The following ZNF385D variants were observed in gnomAD, a reference collection of about 807,000 sequenced individuals.
ZNF385D encodes the protein zinc finger protein 659.
In ZNF385D, 15 loss-of-function variants were observed where a neutral mutation model predicts 35.8. That is an observed-to-expected ratio of 0.42 (90% CI 0.28 to 0.64). ZNF385D has a LOEUF of 0.64. Ranked by LOEUF, ZNF385D falls within the 30% of genes least tolerant of loss-of-function variation. The probability of loss-of-function intolerance (pLI) is 0.23; values close to 1 mark genes in which losing one functional copy is unlikely to be tolerated. For synonymous variants in ZNF385D, 212 were observed against 186.8 expected, an observed-to-expected ratio of 1.13 and a Z score of -1.10; for missense variants, 474 against 494.6, an observed-to-expected ratio of 0.96 and a Z score of 0.39.
At chr3:22,009,282 T>TG (rs1696414794) in intron 3 of ZNF385D, among the ~76,000 whole-genome samples, 1 of 144,200 alleles carries the variant, frequency 6.9e-6, no homozygotes, top group Non-Finnish European at 1.5e-5. Flanking sequence ...GAGAATAAAT[T>TG]GTGGTATAGT....
At chr3:21,819,573 T>C (rs2073301665) in intron 3 of ZNF385D, among the ~76,000 whole-genome samples, 1 of 149,114 alleles carries the variant, frequency 6.7e-6, no homozygotes, top group Non-Finnish European at 1.5e-5. Context: ...AAATTAATTA[T>C]ATGTACACAT....
At chr3:22,333,442 G>A (rs562351060) in intron 2 of ZNF385D, among the ~76,000 whole-genome samples, 118 of 151,642 alleles carry the variant, frequency 7.8e-4, no homozygotes, top group Middle Eastern at 3.4e-3. Flanking sequence ...CCATAAGGCT[G>A]TAATGCTTTG....
Position 21,806,209 on chromosome 3 carries a change from A to AT in ZNF385D, c.326-141182dup, listed in dbSNP as rs111922265. ...CTTTCTTTTTTTTTTTAAATTTCTT[A>AT]TTTTTTTTTTTTGTGAGGGGGCAGG... On this transcript the variant is annotated intron_variant, in intron 3 of 5. Transcript: ENST00000494108. Among the ~76,000 whole-genome samples, 606 of 108,376 alleles carry AT rather than the reference A, an allele frequency of 5.6e-3. 1 individual carries two copies. The highest frequency in any genetic ancestry group is 0.012 in the African/African-American group (351 of 28,742). 71.1% of individuals were successfully genotyped at this position (108,376 alleles called of 152,430 possible). A position where few individuals can be genotyped will look rare whatever the true frequency, so the allele number is the denominator to read the frequency against.
At chr3:21,923,575 C>T (rs1460519347) in intron 3 of ZNF385D, among the ~76,000 whole-genome samples, 2 of 152,124 alleles carry the variant, frequency 1.3e-5, no homozygotes, top group African/African-American at 4.8e-5. Context: ...CCTCATGGCA[C>T]TATTTACAAT....
At chr3:22,334,548 C>G (rs925813274) in intron 2 of ZNF385D, among the ~76,000 whole-genome samples, 1 of 152,066 alleles carries the variant, frequency 6.6e-6, no homozygotes, top group African/African-American at 2.4e-5. Context: ...TGTGCGTGTT[C>G]TGGTGATGAA....
chr3:21,851,721 T>A (rs1696399314), intron 3 of ZNF385D, among the ~76,000 whole-genome samples: 4 of 152,014 alleles, frequency 2.6e-5, no homozygotes, highest in African/African-American at 7.2e-5. Flanking sequence ...TTCAAAACCC[T>A]CCTACACGTC....
intron 3 of ZNF385D, among the ~76,000 whole-genome samples, chr3:21,517,112 A>G (rs60994197): frequency 0.06 from 9,123 of 152,016 alleles, 905 homozygotes; most frequent in African/African-American, 0.21. Flanking sequence ...TGTTGATAAT[A>G]TATATTACTG....
At position 21,979,613 on chromosome 3, in the gene ZNF385D, A is replaced by G. The variant is rs190662370; in HGVS notation, c.325+189204T>C. 173 of 152,332 alleles carry G rather than the reference A, an allele frequency of 1.1e-3. 1 individual carries two copies. The highest frequency in any genetic ancestry group is 3.0e-3 in the African/African-American group (123 of 41,576). 9.4% of individuals were successfully genotyped at this position (152,332 alleles called of 1,614,324 possible). A position where few individuals can be genotyped will look rare whatever the true frequency, so the allele number is the denominator to read the frequency against. Reference sequence around the variant, plus strand: ...AACATTTACTTTCTTACAAGGTTCAAGTATGTTTGTCTCATAGGTGCTTGA... The same window carrying G: ...AACATTTACTTTCTTACAAGGTTCAGGTATGTTTGTCTCATAGGTGCTTGA... On this transcript the variant is annotated intron_variant, in intron 3 of 5. Coordinates refer to the ZNF385D transcript ENST00000494108.
chr3:22,036,741 T>C (rs1470260839), intron 3 of ZNF385D, among the ~76,000 whole-genome samples: 1 of 151,436 alleles, frequency 6.6e-6, no homozygotes, highest in Non-Finnish European at 1.5e-5. Context: ...CTCTAAGTTT[T>C]AGGGTACATG....
At chr3:21,698,578 G>A (rs2067554744) in intron 1 of ZNF385D, among the ~76,000 whole-genome samples, 1 of 151,932 alleles carries the variant, frequency 6.6e-6, no homozygotes, top group South Asian at 2.1e-4. Context: ...CATGTAGCAA[G>A]CCTGCATATA....
In ZNF385D at chr3:21,414,155, G is replaced by T. The variant is rs1700529970; in HGVS notation, c.*7059C>A. 3.3e-5 allele frequency: 5 copies of T among 151,532 alleles called. No homozygotes were observed. Among genetic ancestry groups the T allele is most frequent in the Admixed American group, 3.3e-4 (5 of 15,202 alleles). The allele number at this position is 151,532 out of a possible 1,614,324, so 9.4% of individuals were successfully genotyped here. ...GGATATAACTTATTTTTCTCACCTA[G>T]GCTTTTATTTAATAAAAATTGCTGT... On this transcript the variant is annotated 3_prime_UTR_variant, in exon 8 of 8. Transcript: ENST00000281523.
chr3:22,358,429 C>G (rs1350998950), intron 2 of ZNF385D, among the ~76,000 whole-genome samples: 2 of 151,796 alleles, frequency 1.3e-5, no homozygotes, highest in Non-Finnish European at 2.9e-5. Context: ...AAGTTGCATT[C>G]TGCATTCAAG....
At chr3:22,230,927 G>A (rs1221540671) in intron 2 of ZNF385D, among the ~76,000 whole-genome samples, 2 of 152,060 alleles carry the variant, frequency 1.3e-5, no homozygotes, top group Non-Finnish European at 2.9e-5. Context: ...CAGTTTCAGG[G>A]TCATTTAGCT....
At chr3:22,238,157 A>C (rs1168021698) in intron 2 of ZNF385D, among the ~76,000 whole-genome samples, 1 of 151,152 alleles carries the variant, frequency 6.6e-6, no homozygotes, top group African/African-American at 2.4e-5. Context: ...CTATTCTACT[A>C]ATCTACATAT....
chr3:22,307,530 G>A (rs371765238), intron 2 of ZNF385D, among the ~76,000 whole-genome samples: 8 of 152,188 alleles, frequency 5.3e-5, no homozygotes, highest in East Asian at 3.9e-4. Context: ...GTGTGCACAC[G>A]TACACATGCC....
chr3:22,143,274 C>T (rs1297088255), intron 3 of ZNF385D, among the ~76,000 whole-genome samples: 6 of 151,972 alleles, frequency 3.9e-5, no homozygotes, highest in African/African-American at 9.7e-5. Flanking sequence ...TTAGTAGAGA[C>T]GGGGTTTCAC....
intron 2 of ZNF385D, among the ~76,000 whole-genome samples, chr3:22,202,216 G>C (rs1696844136): frequency 6.6e-6 from 1 of 152,088 alleles, no homozygotes. Context: ...CAGCACTTAA[G>C]AAAGCTCATA....
intron 4 of ZNF385D, among the ~76,000 whole-genome samples, chr3:21,440,221 G>C (rs188637983): frequency 9.9e-4 from 151 of 152,172 alleles, no homozygotes; most frequent in Non-Finnish European, 4.3e-4. Context: ...TAAATTACCA[G>C]TTATAAATAA....
chr3:21,820,869 C>T (rs935522277), intron 3 of ZNF385D, among the ~76,000 whole-genome samples: 5 of 144,970 alleles, frequency 3.4e-5, no homozygotes, highest in African/African-American at 7.6e-5. Flanking sequence ...ACAAAGAAAT[C>T]TAAGTGGGAA....
Sources: allele counts gnomAD v4.1 joint callset (sites outside exome capture counted in the v4.1 genomes callset), GRCh38; gene constraint gnomAD v4.1.1; transcripts MANE v1.5; gene names NCBI Gene and HGNC (gene_info 2026-07-23, HGNC 2026-07-21).